Variants in GNAQ observed in about 807,000 individuals in gnomAD.
GNAQ encodes the protein G protein subunit alpha q, also known as guanine nucleotide-binding protein G(q) subunit alpha.
Under a neutral mutation model 43.9 loss-of-function variants are expected in GNAQ, and 8 were observed. The ratio of observed to expected loss-of-function variants is 0.18; its 90% CI spans 0.11 to 0.33. The LOEUF (loss-of-function observed/expected upper bound fraction) is 0.33, where lower values mean the gene tolerates loss of function less well. GNAQ is among the 10% of genes least tolerant of loss of function. The pLI is 1.00. For missense variants in GNAQ, 158 were observed against 450.8 expected (o/e 0.35, Z 5.88); for synonymous variants, 155 against 170.7 (o/e 0.91, Z 0.71).
intron 4 of GNAQ, 86 bp from the exon 5 acceptor site, chr9:77,794,678 G>A (rs2118445315): frequency 1.2e-5 from 8 of 662,406 alleles, no homozygotes; most frequent in South Asian, 5.7e-5. Flanking sequence ...ACAAACTTAG[G>A]GAAAATATTC....
chr9:77,855,276 AG>A (rs1441689315), intron 2 of GNAQ, among the ~76,000 whole-genome samples: 1 of 152,190 alleles, frequency 6.6e-6, no homozygotes, highest in East Asian at 1.9e-4. Context: ...GTAATTACAG[AG>A]GATATAAATA....
At chr9:77,976,607 G>A (rs1196139095) in intron 1 of GNAQ, among the ~76,000 whole-genome samples, 1 of 152,056 alleles carries the variant, frequency 6.6e-6, no homozygotes, top group Non-Finnish European at 1.5e-5. Context: ...GGTCAGGCTG[G>A]TCTCAAACTC....
intron 2 of GNAQ, among the ~76,000 whole-genome samples, chr9:77,853,074 C>T (rs1053533562): frequency 6.6e-6 from 1 of 152,110 alleles, no homozygotes; most frequent in African/African-American, 2.4e-5. Context: ...GGAAAAGAGA[C>T]AGATAAAAGT....
At chr9:77,744,328 T>C (rs1825697965) in intron 5 of GNAQ, among the ~76,000 whole-genome samples, 1 of 152,218 alleles carries the variant, frequency 6.6e-6, no homozygotes, top group Non-Finnish European at 1.5e-5. Flanking sequence ...ATTATTTGAC[T>C]GCATGCCTTC....
intron 2 of GNAQ, among the ~76,000 whole-genome samples, chr9:77,919,903 A>G (rs1828970884): frequency 6.6e-6 from 1 of 152,162 alleles, no homozygotes; most frequent in Non-Finnish European, 1.5e-5. Context: ...ACACTTTGGG[A>G]GGCCGAAGCA....
chr9:78,023,930 T>TATTGTATATGTGTGTATATACACACACAC (rs1564181634), intron 1 of GNAQ, among the ~76,000 whole-genome samples: 6 of 152,224 alleles, frequency 3.9e-5, no homozygotes, highest in Admixed American at 1.3e-4. Flanking sequence ...AACACACACA[T>TATTGTATATGTGTGTATATACACACACAC]ATTGTATATG....
chr9:77,753,400 T>C (rs1825848576), intron 5 of GNAQ, among the ~76,000 whole-genome samples: 1 of 152,208 alleles, frequency 6.6e-6, no homozygotes, highest in African/African-American at 2.4e-5. Flanking sequence ...CTAACATGTT[T>C]TCTGAGGTTT....
At chr9:77,737,556 C>G (rs1044589567) in intron 5 of GNAQ, among the ~76,000 whole-genome samples, 1 of 152,116 alleles carries the variant, frequency 6.6e-6, no homozygotes, top group Non-Finnish European at 1.5e-5. Flanking sequence ...ACAGATTTAC[C>G]TTCACACTTT....
intron 6 of GNAQ, among the ~76,000 whole-genome samples, chr9:77,722,542 G>A (rs575102207): frequency 6.6e-6 from 1 of 151,776 alleles, no homozygotes; most frequent in Admixed American, 6.6e-5. Flanking sequence ...AACTAAAAAT[G>A]TAATTTTGCA....
chr9:77,943,339 C>T (rs1264699687), intron 1 of GNAQ, among the ~76,000 whole-genome samples: 1 of 152,148 alleles, frequency 6.6e-6, no homozygotes, highest in East Asian at 1.9e-4. Context: ...GACACATGTT[C>T]GACGTGTCTT....
chr9:77,869,933 T>G (rs979580191), intron 2 of GNAQ, among the ~76,000 whole-genome samples: 2 of 152,312 alleles, frequency 1.3e-5, no homozygotes, highest in South Asian at 4.1e-4. Flanking sequence ...ATGTGAAAAA[T>G]TCATAATGTT....
chr9:77,897,075 C>T (rs1337956875), intron 2 of GNAQ, among the ~76,000 whole-genome samples: 2 of 152,200 alleles, frequency 1.3e-5, no homozygotes, highest in African/African-American at 2.4e-5. Context: ...TCTGCCAACC[C>T]GCCCCTTTGC....
intron 3 of GNAQ, 30 bp downstream of exon 3, chr9:77,815,586 A>G (rs1443940208): frequency 1.3e-6 from 2 of 1,515,440 alleles, no homozygotes; most frequent in Non-Finnish European, 1.8e-6. Context: ...AAAGAGAAAA[A>G]TCCATAGGGC....
At chr9:77,786,269 T>G (rs976238788) in intron 5 of GNAQ, among the ~76,000 whole-genome samples, 1 of 151,184 alleles carries the variant, frequency 6.6e-6, no homozygotes, top group Non-Finnish European at 1.5e-5. Flanking sequence ...TCCCAGCTAC[T>G]TGGCAAGCTG....
chr9:77,782,676 C>CCACATAAAAACATGCA (rs1451771227), intron 5 of GNAQ, among the ~76,000 whole-genome samples: 4 of 152,148 alleles, frequency 2.6e-5, no homozygotes, highest in Non-Finnish European at 5.9e-5. Flanking sequence ...GAAAACATGC[C>CCACATAAAAACATGCA]CACATAAAAA....
chr9:77,913,005 G>A (rs1487031097), intron 2 of GNAQ, among the ~76,000 whole-genome samples: 1 of 152,094 alleles, frequency 6.6e-6, no homozygotes, highest in Non-Finnish European at 1.5e-5. Flanking sequence ...CCAGCCATGA[G>A]AATAACTAAA....
chr9:77,889,255 A>C (rs953346140), intron 2 of GNAQ, among the ~76,000 whole-genome samples: 16 of 151,518 alleles, frequency 1.1e-4, no homozygotes, highest in Non-Finnish European at 1.8e-4. Flanking sequence ...TTTTAAAAAA[A>C]AAATTAGCCG....
chr9:77,769,988 A>G (rs904581849), intron 5 of GNAQ, among the ~76,000 whole-genome samples: 7 of 152,028 alleles, frequency 4.6e-5, no homozygotes, highest in Non-Finnish European at 1.0e-4. Context: ...CTTAGTGGGG[A>G]TTGTGTATTT....
At position 77,923,175 on chromosome 9, in the gene GNAQ, G is replaced by T. The variant is rs546214254; in HGVS notation, c.137-830C>A. Among the ~76,000 whole-genome samples the T allele has an allele frequency of 6.6e-5, 10 of 152,162 alleles. No individual in the cohort carries two copies. In the South Asian group the frequency reaches 2.1e-3, roughly 32 times the overall value. Reference sequence around the variant, plus strand: ...GGCATAAGAACACAGTATCCTGATAGGACAAGAAGAATCATTTTTCTAGAT... The same window carrying T: ...GGCATAAGAACACAGTATCCTGATATGACAAGAAGAATCATTTTTCTAGAT... On this transcript the variant is annotated intron_variant, in intron 1 of 6. Coordinates refer to ENST00000286548, the MANE Select transcript of GNAQ (RefSeq NM_002072.5).
Sources: gnomAD v4.1 joint callset for allele counts (sites outside exome capture counted in the v4.1 genomes callset) on GRCh38, gnomAD v4.1.1 for gene constraint, MANE v1.5 for transcripts, NCBI Gene and HGNC (gene_info 2026-07-23, HGNC 2026-07-21) for gene names.